The following MOV10L1 variants were observed in gnomAD, a reference collection of about 807,000 sequenced individuals.
MOV10L1 encodes the protein Mov10 like RNA helicase 1.
Under a neutral mutation model 143.8 loss-of-function variants are expected in MOV10L1, and 110 were observed. That is an observed-to-expected ratio of 0.76 (90% CI 0.66 to 0.90). The LOEUF (loss-of-function observed/expected upper bound fraction) is 0.90. MOV10L1 is among the 40% of genes least tolerant of loss of function. MOV10L1 has a pLI of 0.00. For synonymous variants in MOV10L1, 593 were observed against 581.1 expected (o/e 1.02, Z -0.29); for missense variants, 1,406 against 1,526.8 (o/e 0.92, Z 1.32).
intron 1 of MOV10L1, 77 bp from the exon 2 acceptor site, chr22:50,091,924 G>T (rs761747800): frequency 1.3e-5 from 18 of 1,435,752 alleles, no homozygotes; most frequent in Non-Finnish European, 1.4e-5. Flanking sequence ...TTTGCACTCT[G>T]CCTTTCTCTG....
Position 50,114,473 on chromosome 22 carries a change from A to G in MOV10L1, c.977A>G (p.Asp326Gly). 3 of 1,614,222 alleles carry G rather than the reference A, an allele frequency of 1.9e-6. No individual in the cohort carries two copies. The highest frequency in any genetic ancestry group is 2.5e-6 in the Non-Finnish European group (3 of 1,180,046). The change falls in exon 7 of 27, where the codon GAC becomes GGC. Residue 326 changes from aspartate to glycine, a missense_variant. Around this residue, in one of 3 missense-constraint regions of MOV10L1, gnomAD observed 1,233 missense variants for 1,351.4 expected, o/e 0.91. Transcript: ENST00000262794. ...TTCAGATTCCAAATGCTGGATAAAG[A>G]CCAGATGTGCCCCGTGGTATCTTTT... is the stretch of plus-strand genomic sequence containing the variant. Reference protein sequence around the residue: ...KQFRFQMLDKDQMCPVVSFVS... With the variant: ...KQFRFQMLDKGQMCPVVSFVS...
At chr22:50,109,886 C>T (rs1251889157) in intron 5 of MOV10L1, among the ~76,000 whole-genome samples, 1 of 151,982 alleles carries the variant, frequency 6.6e-6, no homozygotes, top group Non-Finnish European at 1.5e-5. Context: ...CATGGTGGCT[C>T]ACGCCTGTAA....
rs1380169300 is a variant in MOV10L1 at position 50,152,832 on chromosome 22, C to G, written c.2893-213C>G. Among the ~76,000 whole-genome samples the G allele has an allele frequency of 6.6e-6, 1 of 152,164 alleles. No individual in the cohort carries two copies. Among genetic ancestry groups the G allele is most frequent in the African/African-American group, 2.4e-5 (1 of 41,436 alleles). ...AGGGCAGCCGTCACACCCTTTTCTT[C>G]CTGATGTTTCCATTTTCTATTCAGA... On this transcript the variant is annotated intron_variant, in intron 21 of 26. Transcript: ENST00000262794. This position sits in a 1 kb window ranked among gnomAD's most constrained non-coding sequence, Gnocchi z 4.4.
At position 50,152,018 on chromosome 22, in the gene MOV10L1, C is replaced by G. The variant is rs2063312845; in HGVS notation, c.2893-1027C>G. On this transcript the variant is annotated intron_variant, in intron 21 of 26. Coordinates refer to ENST00000262794, the MANE Select transcript of MOV10L1 (RefSeq NM_018995.3). This position sits in a 1 kb window ranked among gnomAD's most constrained non-coding sequence, Gnocchi z 4.4. ...AGGCAGAGGTGCCGTGACTCTAGAT[C>G]ACATTTGGAGTTTGGAGTAGCACGT... Among the ~76,000 whole-genome samples, 2 of 152,264 alleles carry G rather than the reference C, an allele frequency of 1.3e-5. No individual in the cohort carries two copies. The highest frequency in any genetic ancestry group is 2.9e-5 in the Non-Finnish European group (2 of 68,052).
chr22:50,148,676 T>C (rs998327195), intron 19 of MOV10L1, among the ~76,000 whole-genome samples: 12 of 151,450 alleles, frequency 7.9e-5, no homozygotes, highest in Non-Finnish European at 1.6e-4. Flanking sequence ...TTTTTTTTTT[T>C]TTTATGAGAT....
At chr22:50,116,950 C>T (rs146455538) in intron 8 of MOV10L1, among the ~76,000 whole-genome samples, 8 of 152,110 alleles carry the variant, frequency 5.3e-5, no homozygotes, top group African/African-American at 7.2e-5. Flanking sequence ...GCCACCGCAC[C>T]GGGCCTGTAG....
rs2062471186 is a variant in MOV10L1 at position 50,125,456 on chromosome 22, CA to C, written c.1635del (p.Glu546LysfsTer4). 6.2e-7 allele frequency: 1 copy of C among 1,613,998 alleles called. No individual in the cohort carries two copies. ...STLLWLEEIYAEMELKEYNMS... is the reference protein window; with the variant it reads ...STLLWLEEIYXEMELKEYNMS... ...TTGCTGTGGCTTGAGGAGATTTATGCAGAAATGGAACTGAAAGAGTATAACA... is the reference window on the plus strand; with the variant it reads ...TTGCTGTGGCTTGAGGAGATTTATGCGAAATGGAACTGAAAGAGTATAACA... On this transcript the variant is annotated frameshift_variant, in exon 11 of 27. Transcript: ENST00000262794. LOFTEE classifies it high-confidence loss of function.
At chr22:50,106,155 T>C (rs1239475495) in intron 3 of MOV10L1, among the ~76,000 whole-genome samples, 1 of 152,090 alleles carries the variant, frequency 6.6e-6, no homozygotes, top group Non-Finnish European at 1.5e-5. Flanking sequence ...TTTACTTTTG[T>C]TTGCTTGTTT....
chr22:50,142,329 C>T (rs1050203058), intron 16 of MOV10L1, 140 bp downstream of exon 16: 2 of 568,784 alleles, frequency 3.5e-6, no homozygotes, highest in African/African-American at 3.9e-5. Context: ...GCCGTCTCCA[C>T]CCTGACTGGA....
intron 22 of MOV10L1, 128 bp downstream of exon 22, chr22:50,153,346 G>A: frequency 8.6e-7 from 1 of 1,168,388 alleles, no homozygotes; most frequent in Admixed American, 2.5e-5. Context: ...TCTCCAGAGA[G>A]TGAAAAGCCA....
chr22:50,140,119 G>A (rs1314826780), intron 15 of MOV10L1, among the ~76,000 whole-genome samples: 1 of 152,220 alleles, frequency 6.6e-6, no homozygotes, highest in Non-Finnish European at 1.5e-5. Context: ...GTTGCATTGT[G>A]TTCGTACAAT....
chr22:50,103,293 CAT>C (rs1413508016), intron 3 of MOV10L1, among the ~76,000 whole-genome samples: 1 of 152,208 alleles, frequency 6.6e-6, no homozygotes, highest in East Asian at 1.9e-4. Context: ...GTAGACAACA[CAT>C]GTGAGATGGG....
At position 50,161,645 on chromosome 22, in the gene MOV10L1, G is replaced by T; in HGVS notation, c.*196G>T. The T allele has an allele frequency of 5.5e-6, 3 of 548,326 alleles. No individual in the cohort carries two copies. In the South Asian group the frequency reaches 7.4e-5, roughly 13 times the overall value. The allele number at this position is 548,326 out of a possible 1,614,324, so 34.0% of individuals were successfully genotyped here. On this transcript the variant is annotated 3_prime_UTR_variant, in exon 27 of 27. Transcript: ENST00000262794. ...GCCAGCCTGTTCCTGCCACAGGGCAGTCACTGCCGCCTACCCTGAAATAAA... is the reference window on the plus strand; with the variant it reads ...GCCAGCCTGTTCCTGCCACAGGGCATTCACTGCCGCCTACCCTGAAATAAA...
chr22:50,099,408 G>A (rs964930377), intron 2 of MOV10L1, 35 bp from the exon 3 acceptor site: 13 of 1,597,954 alleles, frequency 8.1e-6, no homozygotes, highest in Admixed American at 1.7e-5. Flanking sequence ...TGTAGTTCTC[G>A]TATTATGGTT....
At position 50,152,759 on chromosome 22, in the gene MOV10L1, G is replaced by A. The variant is rs2063332608; in HGVS notation, c.2893-286G>A. On this transcript the variant is annotated intron_variant, in intron 21 of 26. Transcript: ENST00000262794. This position sits in a 1 kb window ranked among gnomAD's most constrained non-coding sequence, Gnocchi z 4.4. ...GGCTGCTGGGTTCCAGGTGGCAGGA[G>A]CCCTTTAAGAGGCCCCTCAGCGGCA... 6.6e-6 allele frequency among the ~76,000 whole-genome samples: 1 copy of A among 152,170 alleles called. No homozygotes were observed. Among genetic ancestry groups the A allele is most frequent in the African/African-American group, 2.4e-5 (1 of 41,444 alleles).
intron 5 of MOV10L1, 156 bp from the exon 6 acceptor site, chr22:50,113,492 G>T: frequency 1.0e-6 from 1 of 958,196 alleles, no homozygotes; most frequent in African/African-American, 1.6e-5. Flanking sequence ...CTTAGGGTTT[G>T]CCATCCTCCT....
chr22:50,156,763 A>G (rs1274982314), intron 22 of MOV10L1, among the ~76,000 whole-genome samples: 1 of 152,210 alleles, frequency 6.6e-6, no homozygotes, highest in Non-Finnish European at 1.5e-5. Flanking sequence ...TTGGCGTATC[A>G]GTTCATCTAT....
chr22:50,146,999 G>C, intron 19 of MOV10L1: 1 of 1,502,180 alleles, frequency 6.7e-7, no homozygotes, highest in Non-Finnish European at 9.1e-7. Flanking sequence ...TGGACAGCAC[G>C]GATCTGAACA....
intron 21 of MOV10L1, among the ~76,000 whole-genome samples, chr22:50,151,334 T>C (rs1038312253): frequency 1.2e-4 from 19 of 152,220 alleles, no homozygotes; most frequent in Non-Finnish European, 5.9e-5. Context: ...AGCTTGGGCC[T>C]CCAGGGCCCA....
Sources: gnomAD v4.1 joint callset for allele counts (sites outside exome capture counted in the v4.1 genomes callset) on GRCh38, gnomAD v4.1.1 for gene constraint, gnomAD v4.1.1 regional missense constraint, Gnocchi (gnomAD v3.1) non-coding constraint, MANE v1.5 for transcripts, NCBI Gene and HGNC (gene_info 2026-07-23, HGNC 2026-07-21) for gene names.